KIF13B: variants seen among roughly 807,000 people sequenced by gnomAD.
The protein encoded by KIF13B is kinesin family member 13B.
KIF13B carries 127 observed loss-of-function variants against 222.0 expected under a neutral mutation model. That is an observed-to-expected ratio of 0.57 (90% CI 0.50 to 0.66). The LOEUF (loss-of-function observed/expected upper bound fraction) is 0.66, where lower values mean the gene tolerates loss of function less well. Among genes scored for constraint, KIF13B ranks in the 30% least tolerant of loss-of-function variants. The pLI is 0.00. For missense variants in KIF13B, 2,173 were observed against 2,379.0 expected (o/e 0.91, Z 1.80); for synonymous variants, 976 against 919.0 (o/e 1.06, Z -1.12).
intron 2 of KIF13B, among the ~76,000 whole-genome samples, chr8:29,243,901 T>TG (rs1308194373): frequency 6.6e-6 from 1 of 152,216 alleles, no homozygotes; most frequent in Non-Finnish European, 1.5e-5. Flanking sequence ...TTGATCTTTG[T>TG]GGGAAAAAAC....
chr8:29,165,904 T>TTCGATTGTAGATAGAAGTACC (rs1554610889), intron 11 of KIF13B, 132 bp from the exon 12 acceptor site: 1 of 567,656 alleles, frequency 1.8e-6, no homozygotes, highest in Non-Finnish European at 3.1e-6. Flanking sequence ...TGACATCTAC[T>TTCGATTGTAGATAGAAGTACC]TCGATTGTAG....
chr8:29,124,407 T>C (rs897372776), intron 26 of KIF13B, among the ~76,000 whole-genome samples: 3 of 152,138 alleles, frequency 2.0e-5, no homozygotes, highest in African/African-American at 7.2e-5. Context: ...ACAAAAATCT[T>C]CTAAAAGGTC....
intron 2 of KIF13B, among the ~76,000 whole-genome samples, chr8:29,232,502 A>T (rs1374854948): frequency 6.6e-6 from 1 of 151,034 alleles, no homozygotes; most frequent in Non-Finnish European, 1.5e-5. Context: ...GAGATCCCGA[A>T]ATTTGAATTT....
At chr8:29,169,725 T>C (rs1425305504) in intron 10 of KIF13B, among the ~76,000 whole-genome samples, 1 of 152,248 alleles carries the variant, frequency 6.6e-6, no homozygotes, top group Admixed American at 6.5e-5. Context: ...ACATAGCTGG[T>C]GCTCCAGATT....
At chr8:29,240,742 A>G (rs1011228635) in intron 2 of KIF13B, among the ~76,000 whole-genome samples, 1 of 152,194 alleles carries the variant, frequency 6.6e-6, no homozygotes, top group Non-Finnish European at 1.5e-5. Flanking sequence ...TTGCTTTTTC[A>G]TTGTAATCTG....
intron 2 of KIF13B, among the ~76,000 whole-genome samples, chr8:29,212,632 C>T (rs1448061459): frequency 1.3e-5 from 2 of 151,984 alleles, no homozygotes; most frequent in Non-Finnish European, 2.9e-5. Flanking sequence ...CCTTTGACCT[C>T]TTTAACCACA....
chr8:29,237,974 C>A (rs754506795), intron 2 of KIF13B, among the ~76,000 whole-genome samples: 2 of 152,174 alleles, frequency 1.3e-5, no homozygotes, highest in Non-Finnish European at 2.9e-5. Flanking sequence ...GGACGGGCTC[C>A]CTGAGGAAGA....
At chr8:29,208,456 G>T (rs757101844) in intron 2 of KIF13B, among the ~76,000 whole-genome samples, 1 of 152,206 alleles carries the variant, frequency 6.6e-6, no homozygotes, top group Non-Finnish European at 1.5e-5. Context: ...CAGTGGGTCT[G>T]TGAATCCATG....
chr8:29,201,405 A>G (rs1303010674), intron 2 of KIF13B, among the ~76,000 whole-genome samples: 1 of 152,262 alleles, frequency 6.6e-6, no homozygotes, highest in Non-Finnish European at 1.5e-5. Flanking sequence ...TGTAATCTCT[A>G]GAATGCCAAA....
intron 33 of KIF13B, among the ~76,000 whole-genome samples, 179 bp from the exon 34 acceptor site, chr8:29,109,690 A>G (rs1449252718): frequency 6.6e-6 from 1 of 152,358 alleles, no homozygotes; most frequent in South Asian, 2.1e-4. Context: ...TGAGCTCCAT[A>G]AATACATACA....
chr8:29,214,652 T>C (rs1389578782), intron 2 of KIF13B, among the ~76,000 whole-genome samples: 1 of 152,230 alleles, frequency 6.6e-6, no homozygotes, highest in African/African-American at 2.4e-5. Flanking sequence ...AAGTCTACTG[T>C]AGTAAATACA....
At chr8:29,212,494 AAGAAG>A in intron 2 of KIF13B, among the ~76,000 whole-genome samples, 1 of 152,296 alleles carries the variant, frequency 6.6e-6, no homozygotes, top group East Asian at 1.9e-4. Flanking sequence ...TTAGACTTTA[AAGAAG>A]AGAAAAATTT....
chr8:29,223,994 C>T (rs1355587097), intron 2 of KIF13B, among the ~76,000 whole-genome samples: 1 of 144,590 alleles, frequency 6.9e-6, no homozygotes, highest in African/African-American at 2.6e-5. Flanking sequence ...CCCAGCCTAC[C>T]AATTTTTTTT....
chr8:29,090,085 C>A (rs1808225767), intron 37 of KIF13B, among the ~76,000 whole-genome samples: 1 of 152,136 alleles, frequency 6.6e-6, no homozygotes, highest in African/African-American at 2.4e-5. Context: ...AGCTCTTAGA[C>A]TGAAGGCGCT....
intron 2 of KIF13B, among the ~76,000 whole-genome samples, chr8:29,242,841 G>T (rs1489107850): frequency 1.6e-4 from 24 of 152,240 alleles, no homozygotes; most frequent in Admixed American, 1.4e-3. Context: ...GGATTGCTGA[G>T]ATTAATATTT....
chr8:29,142,357 A>G, intron 18 of KIF13B, 54 bp from the exon 19 acceptor site: 2 of 1,514,162 alleles, frequency 1.3e-6, no homozygotes, highest in Non-Finnish European at 1.8e-6. Flanking sequence ...GGGGAAGTCA[A>G]AGCTGACAAT....
chr8:29,113,426 G>A, intron 32 of KIF13B, 37 bp downstream of exon 32: 1 of 1,311,798 alleles, frequency 7.6e-7, no homozygotes, highest in Non-Finnish European at 1.1e-6. Context: ...CTTTTTAAGT[G>A]TTTATTTTTA....
chr8:29,084,654 G>T (rs940132496), intron 37 of KIF13B, among the ~76,000 whole-genome samples: 9 of 152,166 alleles, frequency 5.9e-5, no homozygotes, highest in African/African-American at 2.2e-4. Flanking sequence ...ATTCATCAAA[G>T]ACGCCATTTA....
At chr8:29,211,530 G>C (rs1382486642) in intron 2 of KIF13B, among the ~76,000 whole-genome samples, 14 of 152,214 alleles carry the variant, frequency 9.2e-5, no homozygotes, top group Non-Finnish European at 1.9e-4. Context: ...GCTGGCCAGG[G>C]AGAAGGAAGC....
Sources: gnomAD v4.1 joint callset for allele counts (sites outside exome capture counted in the v4.1 genomes callset) on GRCh38, gnomAD v4.1.1 for gene constraint, MANE v1.5 for transcripts, NCBI Gene and HGNC (gene_info 2026-07-23, HGNC 2026-07-21) for gene names.